VPS13A: variants seen among roughly 807,000 people sequenced by gnomAD.
The protein encoded by VPS13A is vacuolar protein sorting 13 homolog A.
A neutral mutation model predicts 390.9 loss-of-function variants in VPS13A; 264 were observed. The ratio of observed to expected loss-of-function variants is 0.68; its 90% CI spans 0.61 to 0.75. The LOEUF (loss-of-function observed/expected upper bound fraction) is 0.75. Ranked by LOEUF, VPS13A falls within the 30% of genes least tolerant of loss-of-function variation. The probability of loss-of-function intolerance (pLI) is 0.00; values close to 1 mark genes in which losing one functional copy is unlikely to be tolerated. For synonymous variants in VPS13A, 1,231 were observed against 1,227.1 expected, an observed-to-expected ratio of 1.00 and a Z score of -0.07; for missense variants, 3,409 against 3,733.9, an observed-to-expected ratio of 0.91 and a Z score of 2.27.
intron 19 of VPS13A, among the ~76,000 whole-genome samples, chr9:77,246,132 A>G (rs1227681768): frequency 1.3e-5 from 2 of 152,208 alleles, no homozygotes; most frequent in Non-Finnish European, 2.9e-5. Flanking sequence ...AGGTGTCAGC[A>G]TGAGTTTTGG....
At chr9:77,199,634 A>G (rs181556400) in intron 1 of VPS13A, among the ~76,000 whole-genome samples, 6 of 152,214 alleles carry the variant, frequency 3.9e-5, no homozygotes, top group Admixed American at 6.5e-5. Flanking sequence ...TACTTTTTGC[A>G]TGTTGATCTT....
At chr9:77,380,242 A>C (rs1164000824) in intron 67 of VPS13A, among the ~76,000 whole-genome samples, 1 of 152,102 alleles carries the variant, frequency 6.6e-6, no homozygotes, top group South Asian at 2.1e-4. Flanking sequence ...CTTTGACTCT[A>C]AATCAGGTCT....
At chr9:77,410,256 G>A (rs11145419) in intron 71 of VPS13A, among the ~76,000 whole-genome samples, 25,926 of 152,034 alleles carry the variant, frequency 0.17, 2,801 homozygotes, top group East Asian at 0.32. Flanking sequence ...GAGAGATTTT[G>A]TCACCACCAG....
At chr9:77,231,342 G>A (rs1257795192) in intron 17 of VPS13A, among the ~76,000 whole-genome samples, 1 of 152,094 alleles carries the variant, frequency 6.6e-6, no homozygotes, top group Non-Finnish European at 1.5e-5. Context: ...TCACCATTAT[G>A]ATGTTAGATG....
At chr9:77,365,707 T>C in intron 60 of VPS13A, 134 bp downstream of exon 60, 1 of 567,624 alleles carries the variant, frequency 1.8e-6, no homozygotes, top group Non-Finnish European at 3.1e-6. Context: ...GGAATTACCC[T>C]TTTACATTTT....
At position 77,220,393 on chromosome 9, in the gene VPS13A, T is replaced by A; in HGVS notation, c.989+10T>A. The A allele has an allele frequency of 6.4e-7, 1 of 1,552,876 alleles. No individual in the cohort carries two copies. Among genetic ancestry groups the A allele is most frequent in the Non-Finnish European group, 8.8e-7 (1 of 1,138,846 alleles). On this transcript the variant is annotated intron_variant, in intron 12 of 71. Transcript: ENST00000360280. ...ACCATGCCAGAGAATGGTAAATGCC[T>A]TGATTTTTTTTTTTTTTTAGATTTT...
intron 68 of VPS13A, among the ~76,000 whole-genome samples, chr9:77,391,326 A>C (rs1833887763): frequency 6.6e-6 from 1 of 152,188 alleles, no homozygotes; most frequent in African/African-American, 2.4e-5. Flanking sequence ...TACATTATGA[A>C]AAGTCTATTT....
chr9:77,297,417 C>T (rs1022824253), intron 33 of VPS13A, among the ~76,000 whole-genome samples: 5 of 152,016 alleles, frequency 3.3e-5, no homozygotes, highest in African/African-American at 1.2e-4. Flanking sequence ...CTGGGTCCCC[C>T]CTCCCTGTAC....
chr9:77,178,292 C>G (rs901066802), intron 1 of VPS13A: 1 of 154,548 alleles, frequency 6.5e-6, no homozygotes, highest in African/African-American at 2.4e-5. Context: ...GCGCTGTGAC[C>G]GGGGACGCCC....
At position 77,419,205 on chromosome 9, in the gene VPS13A, TG is replaced by T. The variant is rs1587746904; in HGVS notation, c.*3200del. 6.6e-6 allele frequency: 1 copy of T among 152,220 alleles called. No homozygotes were observed. The highest frequency in any genetic ancestry group is 1.9e-4 in the East Asian group (1 of 5,194). 9.4% of individuals were successfully genotyped at this position (152,220 alleles called of 1,614,324 possible). ...CCTCAGGGATGCTGTTTTTCCACAC[TG>T]TAAGTCCTAACTCATTAGTGGGTCA... is the stretch of plus-strand genomic sequence containing the variant. On this transcript the variant is annotated 3_prime_UTR_variant, in exon 72 of 72. Transcript: ENST00000360280.
chr9:77,352,023 T>C (rs978342069), intron 53 of VPS13A, among the ~76,000 whole-genome samples: 13 of 152,248 alleles, frequency 8.5e-5, no homozygotes, highest in African/African-American at 3.1e-4. Context: ...AGTAGTCTTA[T>C]TTTGTTTACA....
At chr9:77,341,690 C>CTTTTTTTTTTTT (rs1830821898) in intron 50 of VPS13A, among the ~76,000 whole-genome samples, 1 of 23,562 alleles carries the variant, frequency 4.2e-5, no homozygotes, top group African/African-American at 1.9e-4. Context: ...GGACATCTTT[C>CTTTTTTTTTTTT]CTTTTTTTTT....
In VPS13A at chr9:77,354,987, T is replaced by C. The variant is rs56892307; in HGVS notation, c.7652+1346T>C. ...TGTTCCAGCAGTCCTCTTCTTCATC[T>C]CTCCTAAGTCAACAGCTTTTGGGTC... On this transcript the variant is annotated intron_variant, in intron 54 of 71. Transcript: ENST00000360280. Among the ~76,000 whole-genome samples the C allele has an allele frequency of 7.9e-3, 1,207 of 152,228 alleles. 18 individuals carry two copies. The highest frequency in any genetic ancestry group is 0.027 in the African/African-American group (1,133 of 41,540).
intron 22 of VPS13A, 79 bp from the exon 23 acceptor site, chr9:77,260,007 T>C: frequency 1.0e-6 from 1 of 970,122 alleles, no homozygotes; most frequent in Non-Finnish European, 1.5e-6. Flanking sequence ...TCAGATAATT[T>C]GAGAACAGTC....
intron 17 of VPS13A, among the ~76,000 whole-genome samples, chr9:77,236,384 A>G (rs1824144778): frequency 6.6e-6 from 1 of 152,128 alleles, no homozygotes; most frequent in African/African-American, 2.4e-5. Context: ...TTTTCTGTGT[A>G]AGCTTTGTAC....
At chr9:77,366,452 C>T (rs1271544077) in intron 60 of VPS13A, among the ~76,000 whole-genome samples, 4 of 151,848 alleles carry the variant, frequency 2.6e-5, no homozygotes, top group Non-Finnish European at 4.4e-5. Context: ...ATGTTATTAA[C>T]AAATATATAA....
intron 10 of VPS13A, among the ~76,000 whole-genome samples, chr9:77,219,082 G>T (rs879659382): frequency 5.3e-5 from 8 of 152,052 alleles, no homozygotes; most frequent in Non-Finnish European, 1.5e-5. Context: ...GAGGTGAAGG[G>T]CAGAGAAAGG....
intron 69 of VPS13A, among the ~76,000 whole-genome samples, chr9:77,405,094 A>T (rs994064590): frequency 2.0e-5 from 3 of 152,216 alleles, no homozygotes; most frequent in African/African-American, 7.2e-5. Flanking sequence ...AGGAAGGATT[A>T]AATAGACTTC....
At chr9:77,363,763 T>C (rs576160715) in intron 59 of VPS13A, among the ~76,000 whole-genome samples, 48 of 152,338 alleles carry the variant, frequency 3.2e-4, no homozygotes, top group African/African-American at 1.1e-3. Flanking sequence ...ACATCTGCTG[T>C]TTCTGAGAGC....
Sources: gnomAD v4.1 joint callset for allele counts (sites outside exome capture counted in the v4.1 genomes callset) on GRCh38, gnomAD v4.1.1 for gene constraint, MANE v1.5 for transcripts, NCBI Gene and HGNC (gene_info 2026-07-23, HGNC 2026-07-21) for gene names.